Variants in PCDHGA8 observed in about 807,000 individuals in gnomAD.
PCDHGA8 encodes the protein protocadherin gamma subfamily A, 8, also known as protocadherin gamma-A8.
PCDHGA8 carries 45 observed loss-of-function variants against 59.2 expected under a neutral mutation model. That is an observed-to-expected ratio of 0.76 (90% CI 0.60 to 0.98). The LOEUF (loss-of-function observed/expected upper bound fraction) is 0.98. PCDHGA8 is among the 50% of genes least tolerant of loss of function. PCDHGA8 has a pLI of 0.00. For missense variants in PCDHGA8, 1,257 were observed against 1,196.2 expected, an observed-to-expected ratio of 1.05 and a Z score of -0.75; for synonymous variants, 531 against 519.0, an observed-to-expected ratio of 1.02 and a Z score of -0.32.
intron 1 of PCDHGA8, chr5:141,409,175 G>A: frequency 5.0e-6 from 8 of 1,614,008 alleles, no homozygotes; most frequent in Non-Finnish European, 6.8e-6. Flanking sequence ...GAAGGACGGA[G>A]GTGGTCTCTC....
chr5:141,501,508 C>A (rs1378333182), intron 2 of PCDHGA8, among the ~76,000 whole-genome samples: 1 of 151,960 alleles, frequency 6.6e-6, no homozygotes, highest in Non-Finnish European at 1.5e-5. Flanking sequence ...GGCTCCAAGG[C>A]CTCCAAGCTG....
intron 1 of PCDHGA8, chr5:141,400,123 G>T: frequency 6.2e-7 from 1 of 1,614,082 alleles, no homozygotes; most frequent in Non-Finnish European, 8.5e-7. Flanking sequence ...CAGCTTGCAG[G>T]AGGTGCTGCC....
At chr5:141,462,302 A>C (rs2099036796) in intron 1 of PCDHGA8, among the ~76,000 whole-genome samples, 1 of 152,222 alleles carries the variant, frequency 6.6e-6, no homozygotes, top group African/African-American at 2.4e-5. Context: ...GTATTACCCA[A>C]ATATATTTGT....
Position 141,486,173 on chromosome 5 carries a change from T to C in PCDHGA8, c.2425-8634T>C. 1 of 1,614,220 alleles carries C rather than the reference T, an allele frequency of 6.2e-7. No homozygotes were observed. Among genetic ancestry groups the C allele is most frequent in the Non-Finnish European group, 8.5e-7 (1 of 1,180,042 alleles). ...GGGTTCTCCAGCCATGGAGCAACATTGCAGCCTTCGAGTGGATCTGCTGGA... is the reference window on the plus strand; with the variant it reads ...GGGTTCTCCAGCCATGGAGCAACATCGCAGCCTTCGAGTGGATCTGCTGGA... On this transcript the variant is annotated intron_variant, in intron 1 of 3. Transcript: ENST00000398604. The surrounding 1 kb of genome is among the most constrained non-coding windows in gnomAD (Gnocchi z 5.0).
At chr5:141,435,413 A>G (rs1422263053) in intron 1 of PCDHGA8, among the ~76,000 whole-genome samples, 1 of 152,122 alleles carries the variant, frequency 6.6e-6, no homozygotes, top group Admixed American at 6.5e-5. Flanking sequence ...GGTAAAGACT[A>G]TTTTTCACTT....
Position 141,485,468 on chromosome 5 carries a change from A to G in PCDHGA8, c.2425-9339A>G. On this transcript the variant is annotated intron_variant, in intron 1 of 3. Coordinates refer to ENST00000398604, the MANE Select transcript of PCDHGA8 (RefSeq NM_032088.2). This position sits in a 1 kb window ranked among gnomAD's most constrained non-coding sequence, Gnocchi z 5.7. The stretch of plus-strand genomic sequence containing the variant: ...CGACCGAGAGGCACTGTGTGGGCTC[A>G]GTGCCAGCTGCATCGTGCCCCTGGA... 1 of 1,614,166 alleles carries G rather than the reference A, an allele frequency of 6.2e-7. No homozygotes were observed. Among genetic ancestry groups the G allele is most frequent in the Non-Finnish European group, 8.5e-7 (1 of 1,180,020 alleles).
intron 1 of PCDHGA8, among the ~76,000 whole-genome samples, chr5:141,448,040 C>T (rs892207188): frequency 6.6e-6 from 1 of 151,850 alleles, no homozygotes; most frequent in Admixed American, 6.6e-5. Context: ...GAGCCAAGAT[C>T]ATGCCATTGC....
chr5:141,436,973 T>C (rs1209787552), intron 1 of PCDHGA8, among the ~76,000 whole-genome samples: 1 of 152,234 alleles, frequency 6.6e-6, no homozygotes, highest in Non-Finnish European at 1.5e-5. Context: ...TTGTGAAACT[T>C]ATTTTAAAGA....
chr5:141,394,859 C>G lies in PCDHGA8; in HGVS notation c.2046C>G (p.Val682=). 4 of 1,613,758 alleles carry G rather than the reference C, an allele frequency of 2.5e-6. No homozygotes were observed. Among genetic ancestry groups the G allele is most frequent in the Non-Finnish European group, 3.4e-6 (4 of 1,179,902 alleles). Residue 682 remains valine, a synonymous_variant, in exon 1 of 4, where the codon GTC becomes GTG. Transcript: ENST00000398604. ...LTELGSLKPS[V]DPNDSSLTLY... ...AGTTGGGCAGTCTGAAGCCTTCGGT[C>G]GACCCGAACGATTCGAGCCTTACAC...
intron 2 of PCDHGA8, among the ~76,000 whole-genome samples, chr5:141,500,453 C>T (rs1403599390): frequency 6.6e-6 from 1 of 152,130 alleles, no homozygotes; most frequent in South Asian, 2.1e-4. Context: ...TCGTGATCCG[C>T]CCGCCTCGGC....
chr5:141,417,919 G>C, intron 1 of PCDHGA8: 1 of 1,605,944 alleles, frequency 6.2e-7, no homozygotes, highest in Non-Finnish European at 8.5e-7. Flanking sequence ...TATTTCCTTT[G>C]CTGCTGCCTT....
At chr5:141,408,104 C>A (rs546603908) in intron 1 of PCDHGA8, 5 of 1,441,798 alleles carry the variant, frequency 3.5e-6, no homozygotes, top group Non-Finnish European at 2.7e-6. Flanking sequence ...CTCCGAGACC[C>A]GGGACTCCTC....
intron 1 of PCDHGA8, chr5:141,400,255 C>T: frequency 6.2e-7 from 1 of 1,614,046 alleles, no homozygotes; most frequent in Non-Finnish European, 8.5e-7. Flanking sequence ...CGTTGCCTTG[C>T]GCCTGCGACG....
intron 1 of PCDHGA8, chr5:141,423,106 G>A (rs562864937): frequency 1.2e-6 from 2 of 1,613,894 alleles, no homozygotes; most frequent in Admixed American, 1.7e-5. Context: ...CACGGGCGAG[G>A]TGCGTACAGC....
At chr5:141,433,353 G>C (rs2097584366) in intron 1 of PCDHGA8, 4 of 603,272 alleles carry the variant, frequency 6.6e-6, no homozygotes, top group South Asian at 6.2e-5. Context: ...GCCACCTACT[G>C]TCTGCCTATC....
intron 2 of PCDHGA8, among the ~76,000 whole-genome samples, chr5:141,499,528 G>T (rs961802549): frequency 1.3e-5 from 2 of 152,142 alleles, no homozygotes; most frequent in African/African-American, 2.4e-5. Context: ...AAAGTAGAGA[G>T]AATGGTGTCA....
intron 1 of PCDHGA8, chr5:141,413,400 G>T: frequency 6.2e-7 from 1 of 1,614,060 alleles, no homozygotes. Context: ...CCAGAGGTAG[G>T]ACGCAGCTTT....
At chr5:141,421,474 G>T (rs1320526226) in intron 1 of PCDHGA8, 3 of 1,614,014 alleles carry the variant, frequency 1.9e-6, no homozygotes, top group African/African-American at 2.7e-5. Flanking sequence ...TCCGCGAAGC[G>T]GCAGCTTGAT....
chr5:141,394,592 G>T lies in PCDHGA8; in HGVS notation c.1779G>T (p.Ala593=), dbSNP rs754585576. Residue 593 remains alanine, a synonymous_variant, in exon 1 of 4, where the codon GCG becomes GCT. Transcript: ENST00000398604. ...GCTACCTGGTGACCAAGGTGGTGGC[G>T]GTGGACAGAGACTCGGGCCAGAACG... is the stretch of plus-strand genomic sequence containing the variant. ...ERGYLVTKVV[A]VDRDSGQNAW... 6.2e-7 allele frequency: 1 copy of T among 1,613,760 alleles called. No homozygotes were observed. The highest frequency in any genetic ancestry group is 8.5e-7 in the Non-Finnish European group (1 of 1,180,038).
Sources: allele counts gnomAD v4.1 joint callset (sites outside exome capture counted in the v4.1 genomes callset), GRCh38; gene constraint gnomAD v4.1.1; non-coding constraint Gnocchi (gnomAD v3.1); transcripts MANE v1.5; gene names NCBI Gene and HGNC (gene_info 2026-07-23, HGNC 2026-07-21).